The following EBF1 variants were observed in gnomAD, a reference collection of about 807,000 sequenced individuals.
EBF1 encodes the protein EBF transcription factor 1, also known as transcription factor COE1.
A neutral mutation model predicts 68.4 loss-of-function variants in EBF1; 10 were observed. The observed-to-expected ratio is 0.15, with a 90% CI of 0.09 to 0.25. EBF1 has a LOEUF of 0.25. EBF1 is among the 10% of genes least tolerant of loss of function. The probability of loss-of-function intolerance (pLI) is 1.00; values close to 1 mark genes in which losing one functional copy is unlikely to be tolerated. For synonymous variants in EBF1, 298 were observed against 299.8 expected, an observed-to-expected ratio of 0.99 and a Z score of 0.06; for missense variants, 509 against 794.4, an observed-to-expected ratio of 0.64 and a Z score of 4.32.
intron 10 of EBF1, among the ~76,000 whole-genome samples, chr5:158,765,330 G>A (rs1344057221): frequency 6.6e-6 from 1 of 152,158 alleles, no homozygotes; most frequent in East Asian, 1.9e-4. Flanking sequence ...AGCTCAAAGA[G>A]TCATCCTGGC....
chr5:158,951,328 G>C (rs1437327637), intron 6 of EBF1, among the ~76,000 whole-genome samples: 1 of 152,176 alleles, frequency 6.6e-6, no homozygotes, highest in Non-Finnish European at 1.5e-5. Flanking sequence ...TCCCAAATGA[G>C]AGAAGGCAAT....
intron 6 of EBF1, among the ~76,000 whole-genome samples, chr5:158,871,996 C>T (rs1347665846): frequency 2.6e-5 from 4 of 152,162 alleles, no homozygotes; most frequent in African/African-American, 9.7e-5. Context: ...GAATTGCAGC[C>T]ATGGCTTTTC....
chr5:159,085,214 G>A (rs1373711481), intron 4 of EBF1, among the ~76,000 whole-genome samples: 1 of 152,160 alleles, frequency 6.6e-6, no homozygotes, highest in Non-Finnish European at 1.5e-5. Flanking sequence ...GGTGAACTAA[G>A]GAGTCCATTC....
chr5:159,001,956 C>T (rs531564085), intron 6 of EBF1, among the ~76,000 whole-genome samples: 42 of 152,168 alleles, frequency 2.8e-4, no homozygotes, highest in South Asian at 6.2e-4. Context: ...CCTGCGTGCA[C>T]GCATGTGTGT....
intron 6 of EBF1, among the ~76,000 whole-genome samples, chr5:158,995,859 T>A (rs755805250): frequency 5.9e-5 from 9 of 152,196 alleles, no homozygotes; most frequent in Non-Finnish European, 1.0e-4. Context: ...GATGATCTCA[T>A]CTTCGGTCAC....
intron 6 of EBF1, among the ~76,000 whole-genome samples, chr5:158,926,742 GAAAAGAAAAAAGA>G: frequency 6.7e-6 from 1 of 148,384 alleles, no homozygotes. Flanking sequence ...AAAAAAAAAA[GAAAAGAAAAAAGA>G]AAAAGAAAGA....
chr5:158,777,296 A>G lies in EBF1; in HGVS notation c.1036+117T>C, dbSNP rs1055490746. 5 of 1,197,898 alleles carry G rather than the reference A, an allele frequency of 4.2e-6. No individual in the cohort carries two copies. In the African/African-American group the frequency reaches 6.3e-5, roughly 15 times the overall value. 74.2% of individuals were successfully genotyped at this position (1,197,898 alleles called of 1,614,324 possible). A position where few individuals can be genotyped will look rare whatever the true frequency, so the allele number is the denominator to read the frequency against. On this transcript the variant is annotated intron_variant, in intron 10 of 15. Coordinates refer to ENST00000313708, the MANE Select transcript of EBF1 (RefSeq NM_024007.5). ...CATACATATGGTAAAATGAAGAAAG[A>G]AAGCAGGCTTTAACTAGATTTTAAA...
chr5:158,931,308 C>A (rs1386106008), intron 6 of EBF1, among the ~76,000 whole-genome samples: 2 of 152,160 alleles, frequency 1.3e-5, no homozygotes, highest in East Asian at 3.9e-4. Flanking sequence ...GACTACCCAG[C>A]CACAGATCAG....
chr5:158,821,311 T>A (rs566033084), intron 8 of EBF1, among the ~76,000 whole-genome samples: 1 of 152,340 alleles, frequency 6.6e-6, no homozygotes, highest in South Asian at 2.1e-4. Flanking sequence ...TCCTTTATCA[T>A]GCTGCAAAAT....
rs531444368 is a variant in EBF1, at chr5:158,803,276, G to C, written c.779-6801C>G. Among the ~76,000 whole-genome samples, 30 of 151,858 alleles carry C rather than the reference G, an allele frequency of 2.0e-4. No individual in the cohort carries two copies. In the South Asian group the frequency reaches 6.0e-3, roughly 31 times the overall value. Reference sequence around the variant, plus strand: ...TGGGAGAAACGGAGAGACTATTGAGGGCACAAAATATTCCACTTGGACTCA... The same window carrying C: ...TGGGAGAAACGGAGAGACTATTGAGCGCACAAAATATTCCACTTGGACTCA... On this transcript the variant is annotated intron_variant, in intron 8 of 15. Transcript: ENST00000313708.
At chr5:158,789,701 A>G (rs1377954730) in intron 9 of EBF1, among the ~76,000 whole-genome samples, 1 of 152,198 alleles carries the variant, frequency 6.6e-6, no homozygotes, top group Admixed American at 6.5e-5. Flanking sequence ...CTTGACTGAA[A>G]AAAGGTTTCT....
intron 6 of EBF1, among the ~76,000 whole-genome samples, chr5:158,916,061 G>C (rs532741612): frequency 6.6e-6 from 1 of 152,230 alleles, no homozygotes; most frequent in South Asian, 2.1e-4. Context: ...ACAAAGGGGG[G>C]TCCAAATTTG....
At chr5:158,854,517 C>T (rs1253336910) in intron 6 of EBF1, among the ~76,000 whole-genome samples, 2 of 152,220 alleles carry the variant, frequency 1.3e-5, no homozygotes, top group African/African-American at 4.8e-5. Context: ...ATGAGGCTGT[C>T]CACAGACAGT....
chr5:158,976,516 G>A (rs943122030), intron 6 of EBF1, among the ~76,000 whole-genome samples: 3 of 145,444 alleles, frequency 2.1e-5, no homozygotes, highest in African/African-American at 7.7e-5. Context: ...CAAAGGCCTT[G>A]TCATTACAGA....
chr5:158,948,692 T>C lies in EBF1; in HGVS notation c.555-108582A>G, dbSNP rs1583402924. Among the ~76,000 whole-genome samples, 9 of 152,256 alleles carry C rather than the reference T, an allele frequency of 5.9e-5. 3 individuals carry two copies. The highest frequency in any genetic ancestry group is 5.9e-4 in the Admixed American group (9 of 15,288). Reference sequence around the variant, plus strand: ...CGCTCTCCCAGAGCCAAATGAACCCTCCCTTGCTTTCTCCAGTCTCCAGCC... The same window carrying C: ...CGCTCTCCCAGAGCCAAATGAACCCCCCCTTGCTTTCTCCAGTCTCCAGCC... On this transcript the variant is annotated intron_variant, in intron 6 of 15. Coordinates refer to ENST00000313708, the MANE Select transcript of EBF1 (RefSeq NM_024007.5).
At chr5:159,044,277 T>A (rs1771870873) in intron 6 of EBF1, among the ~76,000 whole-genome samples, 1 of 152,316 alleles carries the variant, frequency 6.6e-6, no homozygotes. Flanking sequence ...CCCAACCTCC[T>A]ATTTATTAAG....
chr5:158,845,279 T>A (rs1441209051), intron 6 of EBF1, among the ~76,000 whole-genome samples: 1 of 152,160 alleles, frequency 6.6e-6, no homozygotes, highest in Non-Finnish European at 1.5e-5. Context: ...TTCCTGAACC[T>A]CAGTGGCCTC....
chr5:158,712,903 C>T, intron 13 of EBF1, 67 bp downstream of exon 13: 1 of 1,365,116 alleles, frequency 7.3e-7, no homozygotes, highest in South Asian at 2.1e-5. Context: ...AAAAATTGTT[C>T]ATGACCAATA....
intron 6 of EBF1, among the ~76,000 whole-genome samples, chr5:158,958,399 C>G (rs1817552981): frequency 6.6e-6 from 1 of 152,072 alleles, no homozygotes; most frequent in Non-Finnish European, 1.5e-5. Context: ...GAGTACCACA[C>G]CTTTAAATTC....
Sources: allele counts gnomAD v4.1 joint callset (sites outside exome capture counted in the v4.1 genomes callset), GRCh38; gene constraint gnomAD v4.1.1; transcripts MANE v1.5; gene names NCBI Gene and HGNC (gene_info 2026-07-23, HGNC 2026-07-21).